Variants in RABGAP1L observed in about 807,000 individuals in gnomAD.
RABGAP1L encodes the protein rab GTPase-activating protein 1-like.
A neutral mutation model predicts 137.7 loss-of-function variants in RABGAP1L; 63 were observed. That is an observed-to-expected ratio of 0.46 (90% CI 0.37 to 0.56). The LOEUF (loss-of-function observed/expected upper bound fraction) is 0.56. Among genes scored for constraint, RABGAP1L ranks in the 20% least tolerant of loss-of-function variants. RABGAP1L has a pLI of 0.00. For synonymous variants in RABGAP1L, 431 were observed against 433.7 expected (o/e 0.99, Z 0.08); for missense variants, 1,095 against 1,244.0 (o/e 0.88, Z 1.80).
rs114378674 is a variant in RABGAP1L at position 174,626,760 on chromosome 1, T to C, written c.1711-10615T>C. Among the ~76,000 whole-genome samples, 1,359 of 152,240 alleles carry C rather than the reference T, an allele frequency of 8.9e-3. 22 individuals carry two copies. The highest frequency in any genetic ancestry group is 0.031 in the African/African-American group (1,305 of 41,534). ...TTTAGTAGCATGTTTGCAACTAGAG[T>C]ACACTTTTATATTTTCTCTTTTCAT... On this transcript the variant is annotated intron_variant, in intron 13 of 25. Transcript: ENST00000681986.
At chr1:174,520,465 T>C (rs887613796) in intron 13 of RABGAP1L, among the ~76,000 whole-genome samples, 2 of 152,346 alleles carry the variant, frequency 1.3e-5, no homozygotes, top group South Asian at 4.1e-4. Flanking sequence ...TTTAACAACA[T>C]CAAATATATA....
intron 1 of RABGAP1L, among the ~76,000 whole-genome samples, chr1:174,190,301 CAAAAA>C (rs57629149): frequency 5.5e-5 from 5 of 90,252 alleles, no homozygotes; most frequent in African/African-American, 7.1e-5. Context: ...GACTCCGTTG[CAAAAA>C]AAAAAAAAAA....
intron 13 of RABGAP1L, among the ~76,000 whole-genome samples, chr1:174,577,554 G>C (rs78331103): frequency 0.023 from 3,492 of 152,098 alleles, 127 homozygotes; most frequent in African/African-American, 0.08. Context: ...AGTTGTCTTT[G>C]TCCTAAAAAT....
chr1:174,185,871 C>T (rs35930623), intron 1 of RABGAP1L, among the ~76,000 whole-genome samples: 12 of 152,126 alleles, frequency 7.9e-5, no homozygotes, highest in Non-Finnish European at 1.5e-4. Flanking sequence ...AGTCGGGGCG[C>T]GGTGGCTCAC....
intron 13 of RABGAP1L, among the ~76,000 whole-genome samples, chr1:174,585,071 A>G (rs1669018923): frequency 6.6e-6 from 1 of 152,236 alleles, no homozygotes; most frequent in African/African-American, 2.4e-5. Context: ...AATGTAAAAT[A>G]TTAATAGTTT....
At chr1:174,364,794 G>A (rs1684469891) in intron 11 of RABGAP1L, among the ~76,000 whole-genome samples, 1 of 152,108 alleles carries the variant, frequency 6.6e-6, no homozygotes, top group Non-Finnish European at 1.5e-5. Context: ...TGTACTCCAT[G>A]GGTATCAGTG....
intron 17 of RABGAP1L, among the ~76,000 whole-genome samples, chr1:174,744,173 C>G (rs1482926195): frequency 1.3e-5 from 2 of 148,804 alleles, no homozygotes; most frequent in Non-Finnish European, 3.0e-5. Flanking sequence ...AGAACAAAAC[C>G]CAAACATCAC....
rs144274197 is a variant in RABGAP1L, at chr1:174,626,406, A to G, written c.1711-10969A>G. ...CAAGAACAAGGTACACATCATGAAT[A>G]TTGACTGCTCTCGAAATACGCTTCG... On this transcript the variant is annotated intron_variant, in intron 13 of 25. Coordinates refer to ENST00000681986, the MANE Select transcript of RABGAP1L (RefSeq NM_001366446.1). Among the ~76,000 whole-genome samples the G allele has an allele frequency of 3.3e-5, 5 of 152,318 alleles. No homozygotes were observed. In the East Asian group the frequency reaches 7.7e-4, roughly 23 times the overall value.
At chr1:174,290,111 T>C (rs1300127318) in intron 10 of RABGAP1L, among the ~76,000 whole-genome samples, 1 of 152,128 alleles carries the variant, frequency 6.6e-6, no homozygotes, top group African/African-American at 2.4e-5. Flanking sequence ...CTGGGAAACC[T>C]AGACACCCAG....
intron 3 of RABGAP1L, among the ~76,000 whole-genome samples, chr1:174,224,783 G>A (rs752832929): frequency 6.6e-5 from 10 of 152,110 alleles, no homozygotes; most frequent in Non-Finnish European, 1.3e-4. Flanking sequence ...CTTTTCCAGT[G>A]TCTTCTTGTC....
intron 14 of RABGAP1L, among the ~76,000 whole-genome samples, chr1:174,659,811 AG>A (rs1676242686): frequency 6.6e-6 from 1 of 152,164 alleles, no homozygotes; most frequent in African/African-American, 2.4e-5. Flanking sequence ...GCTCACCCGT[AG>A]TTTTTTTTTC....
chr1:174,189,987 A>G lies in RABGAP1L; in HGVS notation c.-33-29138A>G, dbSNP rs554720170. On this transcript the variant is annotated intron_variant, in intron 1 of 25. Transcript: ENST00000681986. ...TCCCTGTTCTGCCGTTCTGCTCAGTACTCTGCAGAGAGTCCCCACCTGAAA... is the reference window on the plus strand; with the variant it reads ...TCCCTGTTCTGCCGTTCTGCTCAGTGCTCTGCAGAGAGTCCCCACCTGAAA... Among the ~76,000 whole-genome samples, 261 of 151,778 alleles carry G rather than the reference A, an allele frequency of 1.7e-3. 1 individual carries two copies. Among genetic ancestry groups the G allele is most frequent in the Non-Finnish European group, 1.8e-3 (125 of 67,902 alleles).
chr1:174,654,622 AC>A (rs1675824714), intron 14 of RABGAP1L, among the ~76,000 whole-genome samples: 1 of 152,166 alleles, frequency 6.6e-6, no homozygotes, highest in South Asian at 2.1e-4. Flanking sequence ...TGAGGACATT[AC>A]AATTTTTTTA....
chr1:174,602,389 C>G (rs1670479507), intron 13 of RABGAP1L, among the ~76,000 whole-genome samples: 1 of 152,018 alleles, frequency 6.6e-6, no homozygotes, highest in Non-Finnish European at 1.5e-5. Flanking sequence ...ATTCACTACA[C>G]CAGAATAGCA....
At chr1:174,984,569 T>C (rs1010477270) in intron 24 of RABGAP1L, among the ~76,000 whole-genome samples, 1 of 152,030 alleles carries the variant, frequency 6.6e-6, no homozygotes, top group Non-Finnish European at 1.5e-5. Flanking sequence ...GGTGAAACCC[T>C]GTCTCTGCTA....
intron 11 of RABGAP1L, among the ~76,000 whole-genome samples, chr1:174,328,002 T>TAC (rs1558136395): frequency 8.1e-6 from 1 of 122,966 alleles, no homozygotes; most frequent in African/African-American, 4.3e-5. Flanking sequence ...TATATATATA[T>TAC]ATATATATAT....
At chr1:174,834,017 A>G (rs1274190614) in intron 19 of RABGAP1L, among the ~76,000 whole-genome samples, 1 of 152,202 alleles carries the variant, frequency 6.6e-6, no homozygotes, top group Admixed American at 6.5e-5. Context: ...AGTAGACTAG[A>G]TGTCAATATA....
intron 19 of RABGAP1L, among the ~76,000 whole-genome samples, chr1:174,857,561 T>C (rs1649530969): frequency 6.6e-6 from 1 of 152,138 alleles, no homozygotes; most frequent in Non-Finnish European, 1.5e-5. Flanking sequence ...AATAAATTCA[T>C]CAATAAACCA....
intron 18 of RABGAP1L, among the ~76,000 whole-genome samples, chr1:174,778,656 G>A (rs996712418): frequency 2.6e-5 from 4 of 151,684 alleles, no homozygotes; most frequent in African/African-American, 4.8e-5. Context: ...GTGTAATGGC[G>A]TGATCTCAGC....
Sources: allele counts gnomAD v4.1 joint callset (sites outside exome capture counted in the v4.1 genomes callset), GRCh38; gene constraint gnomAD v4.1.1; transcripts MANE v1.5; gene names NCBI Gene and HGNC (gene_info 2026-07-23, HGNC 2026-07-21).